Variants in CTNNAL1 observed in about 807,000 individuals in gnomAD.
CTNNAL1 encodes the protein catenin alpha like 1.
A neutral mutation model predicts 93.6 loss-of-function variants in CTNNAL1; 69 were observed. That is an observed-to-expected ratio of 0.74 (90% CI 0.61 to 0.90). The LOEUF (loss-of-function observed/expected upper bound fraction) is 0.90. Ranked by LOEUF, CTNNAL1 falls within the 40% of genes least tolerant of loss-of-function variation. The probability of loss-of-function intolerance (pLI) is 0.00; values close to 1 mark genes in which losing one functional copy is unlikely to be tolerated. For missense variants in CTNNAL1, 836 were observed against 862.0 expected (o/e 0.97, Z 0.38); for synonymous variants, 286 against 305.4 (o/e 0.94, Z 0.66).
intron 14 of CTNNAL1, among the ~76,000 whole-genome samples, chr9:108,949,543 A>G (rs56376812): frequency 0.053 from 8,031 of 152,252 alleles, 326 homozygotes; most frequent in East Asian, 0.12. Context: ...CGCTATCTCT[A>G]CTAAAAATAC....
chr9:108,962,710 T>C (rs375151141), intron 11 of CTNNAL1, among the ~76,000 whole-genome samples: 6 of 152,218 alleles, frequency 3.9e-5, no homozygotes, highest in African/African-American at 1.4e-4. Flanking sequence ...TGTTTTCTCA[T>C]AAACTATTTA....
rs1486483820 is a variant in CTNNAL1, at chr9:108,979,467, A to G, written c.915T>C (p.Ala305=). 5 of 1,614,046 alleles carry G rather than the reference A, an allele frequency of 3.1e-6. No individual in the cohort carries two copies. The South Asian group carries it at 5.5e-5, about 18-fold the overall frequency. ...ACTGAAAATAAAGATTCTCCCGAAG[A>G]GCTTCAATATTCATCTGAGAACAAA... ...GIKEFKMNIE[A]LRENLYFQSK... The change falls in exon 7 of 19, where the codon GCT becomes GCC. Residue 305 remains alanine, a synonymous_variant. Coordinates refer to ENST00000325551, the MANE Select transcript of CTNNAL1 (RefSeq NM_003798.4).
chr9:109,009,895 T>G (rs1827158316), intron 1 of CTNNAL1, among the ~76,000 whole-genome samples: 2 of 152,236 alleles, frequency 1.3e-5, no homozygotes, highest in Non-Finnish European at 1.5e-5. Flanking sequence ...TTTGACCACT[T>G]TTGCTGTGTA....
intron 4 of CTNNAL1, among the ~76,000 whole-genome samples, chr9:108,986,455 C>T (rs1316162383): frequency 6.6e-6 from 1 of 151,556 alleles, no homozygotes; most frequent in Non-Finnish European, 1.5e-5. Flanking sequence ...GGTTCCAAGT[C>T]TTTGCTATTG....
chr9:108,955,687 C>T, intron 12 of CTNNAL1, 103 bp downstream of exon 12: 4 of 1,011,734 alleles, frequency 4.0e-6, no homozygotes, highest in Admixed American at 4.5e-5. Flanking sequence ...TTTTTTCTGT[C>T]ATGTCAATTA....
In CTNNAL1 at chr9:108,966,940, G is replaced by A. The variant is rs189731302; in HGVS notation, c.1441-1412C>T. 2.0e-5 allele frequency among the ~76,000 whole-genome samples: 3 copies of A among 152,194 alleles called. No individual in the cohort carries two copies. The East Asian group carries it at 5.8e-4, about 29-fold the overall frequency. On this transcript the variant is annotated intron_variant, in intron 10 of 18. Transcript: ENST00000325551. Reference sequence around the variant, plus strand: ...ACCCAACCTACTGAAATTTCCTGATGGCCCATTACATAAAACACACACACA... The same window carrying A: ...ACCCAACCTACTGAAATTTCCTGATAGCCCATTACATAAAACACACACACA...
chr9:108,989,620 TA>T (rs1401813164), intron 4 of CTNNAL1, among the ~76,000 whole-genome samples: 1 of 152,148 alleles, frequency 6.6e-6, no homozygotes, highest in Non-Finnish European at 1.5e-5. Flanking sequence ...TCAATTATTA[TA>T]TATATTTAAC....
intron 2 of CTNNAL1, 57 bp from the exon 3 acceptor site, chr9:108,992,876 T>TTC: frequency 6.6e-7 from 1 of 1,522,740 alleles, no homozygotes; most frequent in Non-Finnish European, 8.8e-7. Context: ...AAATCTAGAC[T>TTC]TCTCTCTAAC....
intron 10 of CTNNAL1, among the ~76,000 whole-genome samples, chr9:108,970,094 G>T (rs1343322897): frequency 1.3e-5 from 2 of 152,206 alleles, no homozygotes; most frequent in Admixed American, 6.5e-5. Context: ...ATAACATATG[G>T]CTTCTTATGT....
intron 3 of CTNNAL1, chr9:108,992,010 G>A (rs752177062): frequency 1.6e-5 from 12 of 748,468 alleles, no homozygotes; most frequent in Non-Finnish European, 2.7e-5. Flanking sequence ...TTTTGTAGTT[G>A]TGGATAATTA....
intron 1 of CTNNAL1, among the ~76,000 whole-genome samples, chr9:109,012,781 G>A (rs1472710112): frequency 1.3e-5 from 2 of 152,240 alleles, no homozygotes; most frequent in Non-Finnish European, 2.9e-5. Flanking sequence ...CTACGGCGGG[G>A]AGGGACAAAG....
chr9:108,964,841 G>T (rs903274566), intron 11 of CTNNAL1, among the ~76,000 whole-genome samples: 70 of 132,158 alleles, frequency 5.3e-4, no homozygotes, highest in African/African-American at 1.8e-3. Flanking sequence ...TATGCTGTTT[G>T]TTTTATTTAT....
intron 15 of CTNNAL1, 116 bp downstream of exon 15, chr9:108,948,070 C>G: frequency 8.5e-7 from 1 of 1,179,012 alleles, no homozygotes; most frequent in Non-Finnish European, 1.2e-6. Flanking sequence ...CTGTAATACA[C>G]AGGTAGGTAC....
chr9:108,953,450 A>G (rs1002904796), intron 12 of CTNNAL1, among the ~76,000 whole-genome samples: 1 of 152,186 alleles, frequency 6.6e-6, no homozygotes, highest in Admixed American at 6.5e-5. Context: ...ACATATATTT[A>G]AGTCATACAC....
intron 2 of CTNNAL1, among the ~76,000 whole-genome samples, chr9:108,998,250 C>T (rs532770698): frequency 6.6e-6 from 1 of 152,140 alleles, no homozygotes; most frequent in Non-Finnish European, 1.5e-5. Flanking sequence ...GCTAGTGATG[C>T]TGATAAACAT....
intron 6 of CTNNAL1, 26 bp from the exon 7 acceptor site, chr9:108,979,507 A>C (rs898289015): frequency 1.2e-6 from 2 of 1,609,256 alleles, no homozygotes; most frequent in Middle Eastern, 1.7e-4. Context: ...ACATCTATCC[A>C]TCCATGTGAG....
chr9:109,009,041 C>CA (rs1405187362), intron 1 of CTNNAL1, among the ~76,000 whole-genome samples: 2 of 151,562 alleles, frequency 1.3e-5, no homozygotes, highest in African/African-American at 2.4e-5. Flanking sequence ...ACCACAGGTG[C>CA]ATGCCATCAC....
intron 8 of CTNNAL1, among the ~76,000 whole-genome samples, chr9:108,973,553 G>T (rs1160258550): frequency 6.6e-6 from 1 of 151,988 alleles, no homozygotes; most frequent in Non-Finnish European, 1.5e-5. Flanking sequence ...TGGGTCCCAG[G>T]AGAAACAATA....
chr9:108,992,336 T>C (rs1244659883), intron 3 of CTNNAL1, among the ~76,000 whole-genome samples: 2 of 152,188 alleles, frequency 1.3e-5, no homozygotes, highest in African/African-American at 4.8e-5. Flanking sequence ...TTATAAACAA[T>C]TATAATAGAC....
Sources: gnomAD v4.1 joint callset for allele counts (sites outside exome capture counted in the v4.1 genomes callset) on GRCh38, gnomAD v4.1.1 for gene constraint, MANE v1.5 for transcripts, NCBI Gene and HGNC (gene_info 2026-07-23, HGNC 2026-07-21) for gene names.